Variants in CCDC88A observed in about 807,000 individuals in gnomAD.
CCDC88A encodes the protein girdin.
A neutral mutation model predicts 234.3 loss-of-function variants in CCDC88A; 54 were observed. The observed-to-expected ratio is 0.23, with a 90% CI of 0.19 to 0.29. The LOEUF (loss-of-function observed/expected upper bound fraction) is 0.29, where lower values mean the gene tolerates loss of function less well. CCDC88A is among the 10% of genes least tolerant of loss of function. The pLI is 1.00. For missense variants in CCDC88A, 1,832 were observed against 2,123.4 expected, an observed-to-expected ratio of 0.86 and a Z score of 2.70; for synonymous variants, 753 against 737.8, an observed-to-expected ratio of 1.02 and a Z score of -0.33.
At chr2:55,386,813 T>C (rs1675719659) in intron 3 of CCDC88A, among the ~76,000 whole-genome samples, 1 of 151,998 alleles carries the variant, frequency 6.6e-6, no homozygotes, top group Non-Finnish European at 1.5e-5. Context: ...AAGAACTATC[T>C]TCCAAAAACA....
At chr2:55,376,959 T>C (rs1673743192) in intron 3 of CCDC88A, among the ~76,000 whole-genome samples, 1 of 151,972 alleles carries the variant, frequency 6.6e-6, no homozygotes, top group Non-Finnish European at 1.5e-5. Context: ...GCGTCCCGAG[T>C]AGCTGGGATT....
Position 55,295,850 on chromosome 2 carries a change from G to A in CCDC88A, c.5298C>T (p.Phe1766=), listed in dbSNP as rs1679969988. Residue 1766 remains phenylalanine, a synonymous_variant, in exon 31 of 33, where the codon TTC becomes TTT. Transcript: ENST00000436346. Reference sequence around the variant, plus strand: ...GTGTAGGTTTTCCCGCAGAACTAATGAAGTAGGTATCTTCAGTTTTTCGAG... The same window carrying A: ...GTGTAGGTTTTCCCGCAGAACTAATAAAGTAGGTATCTTCAGTTTTTCGAG... ...PGPRKTEDTY[F]ISSAGKPTPG... The A allele has an allele frequency of 6.2e-7, 1 of 1,614,056 alleles. No homozygotes were observed. The highest frequency in any genetic ancestry group is 2.2e-5 in the East Asian group (1 of 44,866).
chr2:55,388,769 A>G lies in CCDC88A; in HGVS notation c.273+9T>C. 2 of 1,045,264 alleles carry G rather than the reference A, an allele frequency of 1.9e-6. No individual in the cohort carries two copies. Among genetic ancestry groups the G allele is most frequent in the Non-Finnish European group, 2.9e-6 (2 of 692,718 alleles). 64.7% of individuals were successfully genotyped at this position (1,045,264 alleles called of 1,614,324 possible). On this transcript the variant is annotated intron_variant, in intron 3 of 32. Coordinates refer to ENST00000436346, the MANE Select transcript of CCDC88A (RefSeq NM_001365480.1). ...ATTAAAACCCCAGATTTTTAAAAAG[A>G]GCACTTACCTGGTAATAAAATTTTA...
chr2:55,355,463 A>AC, intron 8 of CCDC88A, 116 bp downstream of exon 8: 1 of 876,642 alleles, frequency 1.1e-6, no homozygotes, highest in Non-Finnish European at 1.8e-6. Flanking sequence ...TATTTTTCTC[A>AC]TTTACTTGTG....
intron 29 of CCDC88A, among the ~76,000 whole-genome samples, chr2:55,298,237 C>G (rs1302719728): frequency 6.6e-6 from 1 of 151,664 alleles, no homozygotes; most frequent in Non-Finnish European, 1.5e-5. Context: ...GAATTTGGCT[C>G]AAGTTATGTA....
chr2:55,360,497 C>A (rs1671147332), intron 7 of CCDC88A, among the ~76,000 whole-genome samples: 1 of 152,164 alleles, frequency 6.6e-6, no homozygotes, highest in Non-Finnish European at 1.5e-5. Flanking sequence ...CCACCCTCTC[C>A]CAGCTAGCAA....
chr2:55,347,575 A>C (rs889409156), intron 9 of CCDC88A, among the ~76,000 whole-genome samples: 1 of 143,668 alleles, frequency 7.0e-6, no homozygotes, highest in African/African-American at 2.6e-5. Flanking sequence ...CGGTTATTTC[A>C]TTAAAATACC....
rs571288824 is a variant in CCDC88A at position 55,304,649 on chromosome 2, T to C, written c.4388-1497A>G. Among the ~76,000 whole-genome samples the C allele has an allele frequency of 3.9e-5, 6 of 152,236 alleles. No individual in the cohort carries two copies. The South Asian group carries it at 1.2e-3, about 32-fold the overall frequency. ...ATTTTTAGATATTTTGAAGAGCTTT[T>C]TGAAGGAATTTGATTTTGTGAATAA... On this transcript the variant is annotated intron_variant, in intron 25 of 32. Coordinates refer to ENST00000436346, the MANE Select transcript of CCDC88A (RefSeq NM_001365480.1).
chr2:55,372,039 CCTTT>C (rs1241182712), intron 5 of CCDC88A, among the ~76,000 whole-genome samples: 3 of 152,060 alleles, frequency 2.0e-5, no homozygotes, highest in Non-Finnish European at 4.4e-5. Context: ...TCCTTTTTTA[CCTTT>C]TTTTTCTTTT....
chr2:55,290,355 G>A lies in CCDC88A; in HGVS notation c.*845C>T, dbSNP rs1047948. The A allele has an allele frequency of 0.42, 63,816 of 151,774 alleles. 16,541 individuals carry two copies. The highest frequency in any genetic ancestry group is 0.59 in the Admixed American group (8,968 of 15,252). 9.4% of individuals were successfully genotyped at this position (151,774 alleles called of 1,614,324 possible). A position where few individuals can be genotyped will look rare whatever the true frequency, so the allele number is the denominator to read the frequency against. On this transcript the variant is annotated 3_prime_UTR_variant, in exon 33 of 33. Transcript: ENST00000436346. ...GCTCTCAAGTTAAAAAAATGCACAC[G>A]CATACATAACCCAATACCAAAGAAA...
chr2:55,383,098 C>T (rs894497363), intron 3 of CCDC88A, among the ~76,000 whole-genome samples: 1 of 150,908 alleles, frequency 6.6e-6, no homozygotes, highest in African/African-American at 2.4e-5. Context: ...CAAAAGAGTA[C>T]TGACATTTAA....
At chr2:55,402,798 A>C (rs1678933105) in intron 2 of CCDC88A, among the ~76,000 whole-genome samples, 1 of 151,732 alleles carries the variant, frequency 6.6e-6, no homozygotes, top group South Asian at 2.1e-4. Context: ...TCACAAGGTC[A>C]AGAGATCGAG....
chr2:55,295,361 G>A (rs1476321545), intron 31 of CCDC88A: 27 of 1,530,390 alleles, frequency 1.8e-5, no homozygotes, highest in Non-Finnish European at 2.4e-5. Flanking sequence ...GAGATGAATG[G>A]GCCACAGTAA....
rs546129283 is a variant in CCDC88A, at chr2:55,411,907, T to G, written c.164+6909A>C. On this transcript the variant is annotated intron_variant, in intron 2 of 32. Coordinates refer to ENST00000436346, the MANE Select transcript of CCDC88A (RefSeq NM_001365480.1). Reference sequence around the variant, plus strand: ...CCATGAAATCTTGCTCCTATCACCTTGCCTCAAAGGAGATATAACATCGGT... The same window carrying G: ...CCATGAAATCTTGCTCCTATCACCTGGCCTCAAAGGAGATATAACATCGGT... Among the ~76,000 whole-genome samples the G allele has an allele frequency of 2.0e-5, 3 of 152,096 alleles. No individual in the cohort carries two copies. In the South Asian group the frequency reaches 6.2e-4, roughly 32 times the overall value.
chr2:55,336,877 T>A, intron 13 of CCDC88A, 59 bp from the exon 14 acceptor site: 2 of 1,127,366 alleles, frequency 1.8e-6, no homozygotes, highest in Non-Finnish European at 2.6e-6. Context: ...TGAAAACATG[T>A]CAAAACAAAA....
intron 16 of CCDC88A, among the ~76,000 whole-genome samples, chr2:55,331,647 A>G (rs1684923300): frequency 6.7e-6 from 1 of 149,326 alleles, no homozygotes; most frequent in South Asian, 2.1e-4. Context: ...TGGATGCTAA[A>G]TAATAGACTT....
At chr2:55,399,951 G>C (rs1380178867) in intron 2 of CCDC88A, among the ~76,000 whole-genome samples, 1 of 152,056 alleles carries the variant, frequency 6.6e-6, no homozygotes, top group African/African-American at 2.4e-5. Context: ...GTTGAATCCT[G>C]TATTCTATTA....
At chr2:55,338,203 T>C (rs1312652679) in intron 13 of CCDC88A, among the ~76,000 whole-genome samples, 2 of 152,224 alleles carry the variant, frequency 1.3e-5, no homozygotes, top group Non-Finnish European at 2.9e-5. Flanking sequence ...AAAATAAAAC[T>C]GTTCTAAATT....
chr2:55,306,712 A>T (rs1043741565), intron 25 of CCDC88A, among the ~76,000 whole-genome samples: 26 of 152,164 alleles, frequency 1.7e-4, no homozygotes, highest in African/African-American at 6.0e-4. Context: ...CAGCCTCCTG[A>T]GTAGCTGGTG....
Sources: allele counts gnomAD v4.1 joint callset (sites outside exome capture counted in the v4.1 genomes callset), GRCh38; gene constraint gnomAD v4.1.1; transcripts MANE v1.5; gene names NCBI Gene and HGNC (gene_info 2026-07-23, HGNC 2026-07-21).